The following TNKS variants were observed in gnomAD, a reference collection of about 807,000 sequenced individuals.
TNKS encodes the protein tankyrase.
TNKS carries 72 observed loss-of-function variants against 135.8 expected under a neutral mutation model. That is an observed-to-expected ratio of 0.53 (90% CI 0.44 to 0.64). The LOEUF (loss-of-function observed/expected upper bound fraction) is 0.64. Ranked by LOEUF, TNKS falls within the 30% of genes least tolerant of loss-of-function variation. The pLI is 0.00. For missense variants in TNKS, 1,769 were observed against 1,674.0 expected (o/e 1.06, Z -0.99); for synonymous variants, 849 against 649.3 (o/e 1.31, Z -4.68).
At chr8:9,721,829 G>A (rs894723517) in intron 12 of TNKS, among the ~76,000 whole-genome samples, 25 of 151,972 alleles carry the variant, frequency 1.6e-4, no homozygotes, top group East Asian at 7.8e-4. Flanking sequence ...CGAGGTGGGC[G>A]GATCACGAGG....
chr8:9,729,817 A>G (rs1585386283), intron 13 of TNKS, among the ~76,000 whole-genome samples: 1 of 116,298 alleles, frequency 8.6e-6, no homozygotes, highest in African/African-American at 3.4e-5. Context: ...CTCTGTCACC[A>G]GACTAAAGTG....
At chr8:9,687,726 A>G (rs980173329) in intron 5 of TNKS, among the ~76,000 whole-genome samples, 2 of 152,170 alleles carry the variant, frequency 1.3e-5, no homozygotes, top group Non-Finnish European at 2.9e-5. Context: ...CTGCCTTCCT[A>G]TCCAGAAGCA....
intron 2 of TNKS, among the ~76,000 whole-genome samples, chr8:9,591,174 G>A (rs1798578347): frequency 6.6e-6 from 1 of 152,106 alleles, no homozygotes; most frequent in Non-Finnish European, 1.5e-5. Flanking sequence ...TTTTATTTCT[G>A]TAAGCTTAGT....
At chr8:9,633,163 C>T (rs532621258) in intron 3 of TNKS, among the ~76,000 whole-genome samples, 2 of 152,340 alleles carry the variant, frequency 1.3e-5, no homozygotes, top group East Asian at 1.9e-4. Context: ...ATTTTTTACT[C>T]TTCCTTCCAA....
intron 20 of TNKS, among the ~76,000 whole-genome samples, chr8:9,756,989 G>A (rs997467205): frequency 6.6e-6 from 1 of 151,654 alleles, no homozygotes; most frequent in Non-Finnish European, 1.5e-5. Flanking sequence ...TTGTTTGTTT[G>A]TTTTTGAGAT....
At chr8:9,582,363 A>G (rs1033639492) in intron 2 of TNKS, among the ~76,000 whole-genome samples, 1 of 151,754 alleles carries the variant, frequency 6.6e-6, no homozygotes, top group Non-Finnish European at 1.5e-5. Context: ...GTAGTTTTTG[A>G]GAGATTAGTA....
At chr8:9,766,458 A>T (rs372140544) in intron 25 of TNKS, 33 bp downstream of exon 25, 5 of 1,216,522 alleles carry the variant, frequency 4.1e-6, no homozygotes, top group African/African-American at 3.3e-5. Context: ...AACGTTTCCC[A>T]CCCCTAGGTC....
At chr8:9,635,042 C>T (rs963081132) in intron 3 of TNKS, among the ~76,000 whole-genome samples, 8 of 152,106 alleles carry the variant, frequency 5.3e-5, no homozygotes, top group African/African-American at 1.9e-4. Flanking sequence ...CGGTGGCAGG[C>T]GCCTGTAGGC....
chr8:9,686,472 G>T (rs1307050965), intron 5 of TNKS, among the ~76,000 whole-genome samples: 4 of 152,148 alleles, frequency 2.6e-5, no homozygotes, highest in Non-Finnish European at 5.9e-5. Flanking sequence ...GGTTTGTTAT[G>T]TAGTAATAGA....
rs193099670 is a variant in TNKS at position 9,602,291 on chromosome 8, C to T, written c.899-13291C>T. Among the ~76,000 whole-genome samples, 7 of 152,266 alleles carry T rather than the reference C, an allele frequency of 4.6e-5. No homozygotes were observed. In the East Asian group the frequency reaches 1.2e-3, roughly 25 times the overall value. On this transcript the variant is annotated intron_variant, in intron 2 of 26. Transcript: ENST00000310430. ...CAAAAAGAAGGGGAAGCTAAAAGTACCAGCTCCCCATGGTCTACGTATCGC... is the reference window on the plus strand; with the variant it reads ...CAAAAAGAAGGGGAAGCTAAAAGTATCAGCTCCCCATGGTCTACGTATCGC...
intron 6 of TNKS, among the ~76,000 whole-genome samples, chr8:9,705,090 A>G (rs1225241026): frequency 2.6e-5 from 4 of 152,222 alleles, no homozygotes; most frequent in African/African-American, 9.6e-5. Context: ...TAGCATAGCT[A>G]TCAGATTCAA....
chr8:9,747,308 T>C (rs1439539676), intron 17 of TNKS, among the ~76,000 whole-genome samples: 8 of 143,898 alleles, frequency 5.6e-5, no homozygotes, highest in Non-Finnish European at 1.1e-4. Context: ...CTCTCTCTCT[T>C]CTGTTGTGAA....
chr8:9,749,948 G>A (rs983066042), intron 18 of TNKS, among the ~76,000 whole-genome samples: 1 of 152,112 alleles, frequency 6.6e-6, no homozygotes. Context: ...GTCCAAACTA[G>A]TACAACTCTT....
At chr8:9,630,201 T>A (rs1800234861) in intron 3 of TNKS, among the ~76,000 whole-genome samples, 1 of 152,160 alleles carries the variant, frequency 6.6e-6, no homozygotes, top group Admixed American at 6.5e-5. Context: ...AACAAGTCGA[T>A]TTTTTTCTCC....
At chr8:9,556,638 A>C in intron 1 of TNKS, 26 bp downstream of exon 1, 1 of 1,611,932 alleles carries the variant, frequency 6.2e-7, no homozygotes, top group Non-Finnish European at 8.5e-7. Context: ...ATTGTTTATT[A>C]AGGGTTATGG....
chr8:9,775,515 C>CTTAACATTTA (rs1808184347), intron 26 of TNKS, among the ~76,000 whole-genome samples: 2 of 102,044 alleles, frequency 2.0e-5, no homozygotes, highest in Non-Finnish European at 4.1e-5. Context: ...GTAGACAGAA[C>CTTAACATTTA]TTAACATTTA....
In TNKS at chr8:9,733,168, G is replaced by A. The variant is rs149222643; in HGVS notation, c.2148-111G>A. Reference sequence around the variant, plus strand: ...CAGAGGTGGGTGTATTTCTTTTTGCGCAGTGTTCAGTATAGTCAGTACCAT... The same window carrying A: ...CAGAGGTGGGTGTATTTCTTTTTGCACAGTGTTCAGTATAGTCAGTACCAT... On this transcript the variant is annotated intron_variant, in intron 14 of 26. Transcript: ENST00000310430. 515 of 881,622 alleles carry A rather than the reference G, an allele frequency of 5.8e-4. 2 individuals carry two copies. In the African/African-American group the frequency reaches 6.2e-3, roughly 11 times the overall value. 54.6% of individuals were successfully genotyped at this position (881,622 alleles called of 1,614,324 possible).
At chr8:9,691,490 A>T (rs58391561) in intron 5 of TNKS, among the ~76,000 whole-genome samples, 17,379 of 152,146 alleles carry the variant, frequency 0.11, 1,276 homozygotes, top group East Asian at 0.21. Flanking sequence ...CCATTTCTGA[A>T]CATCCTATCT....
chr8:9,657,271 C>A (rs1445233644), intron 3 of TNKS, among the ~76,000 whole-genome samples: 26 of 109,980 alleles, frequency 2.4e-4, no homozygotes, highest in Middle Eastern at 6.0e-3. Flanking sequence ...ACCTCCCTCC[C>A]GGACGGGGCG....
Sources: gnomAD v4.1 joint callset for allele counts (sites outside exome capture counted in the v4.1 genomes callset) on GRCh38, gnomAD v4.1.1 for gene constraint, MANE v1.5 for transcripts, NCBI Gene and HGNC (gene_info 2026-07-23, HGNC 2026-07-21) for gene names.